The following RYR3 variants were observed in gnomAD, a reference collection of about 807,000 sequenced individuals.
The protein encoded by RYR3 is brain ryanodine receptor-calcium release channel.
Under a neutral mutation model 584.3 loss-of-function variants are expected in RYR3, and 207 were observed. The observed-to-expected ratio is 0.35, with a 90% CI of 0.32 to 0.40. RYR3 has a LOEUF of 0.40. Among genes scored for constraint, RYR3 ranks in the 10% least tolerant of loss-of-function variants. The pLI is 1.00. For synonymous variants in RYR3, 2,416 were observed against 2,248.5 expected (o/e 1.07, Z -2.11); for missense variants, 5,616 against 6,089.2 (o/e 0.92, Z 2.59).
chr15:33,320,600 G>C (rs1968836556), intron 1 of RYR3, among the ~76,000 whole-genome samples: 1 of 152,162 alleles, frequency 6.6e-6, no homozygotes, highest in Non-Finnish European at 1.5e-5. Flanking sequence ...ACTTTTCCAT[G>C]TTTCTATGGT....
rs1450450145 is a variant in RYR3 at position 33,464,489 on chromosome 15, T to TATATATATATATACACAC, written c.52-8929_52-8928insTATATATATATACACACA. 2.2e-3 allele frequency among the ~76,000 whole-genome samples: 149 copies of TATATATATATATACACAC among 67,424 alleles called. 4 individuals carry two copies. Among genetic ancestry groups the TATATATATATATACACAC allele is most frequent in the African/African-American group, 0.011 (135 of 11,984 alleles). The allele number at this position is 67,424 out of a possible 152,430, so 44.2% of individuals were successfully genotyped here. A position where few individuals can be genotyped will look rare whatever the true frequency, so the allele number is the denominator to read the frequency against. ...ATATATATATATATATATATATATA[T>TATATATATATATACACAC]ACACATATATATATACATACACATA... is the stretch of plus-strand genomic sequence containing the variant. On this transcript the variant is annotated intron_variant, in intron 1 of 103. Coordinates refer to ENST00000634891, the MANE Select transcript of RYR3 (RefSeq NM_001036.6).
At chr15:33,696,568 A>T (rs1596206382) in intron 39 of RYR3, 77 bp downstream of exon 39, 1 of 1,400,656 alleles carries the variant, frequency 7.1e-7, no homozygotes, top group Non-Finnish European at 9.9e-7. Flanking sequence ...ATATAGAGAT[A>T]TAGTGGAATC....
At chr15:33,727,118 A>C (rs1402499148) in intron 46 of RYR3, among the ~76,000 whole-genome samples, 1 of 152,182 alleles carries the variant, frequency 6.6e-6, no homozygotes, top group Non-Finnish European at 1.5e-5. Flanking sequence ...TTGTGTAGGC[A>C]GTTGGGGCAC....
intron 102 of RYR3, among the ~76,000 whole-genome samples, chr15:33,863,486 G>C (rs185938991): frequency 6.6e-6 from 1 of 152,096 alleles, no homozygotes. Flanking sequence ...TTTTCCGGAA[G>C]GGCAAGAGCC....
At chr15:33,340,970 C>T (rs1971743312) in intron 1 of RYR3, among the ~76,000 whole-genome samples, 2 of 152,134 alleles carry the variant, frequency 1.3e-5, no homozygotes, top group African/African-American at 4.8e-5. Flanking sequence ...TTGGAATCAC[C>T]TGTACCTGTA....
At chr15:33,640,863 C>T (rs1461828257) in intron 27 of RYR3, among the ~76,000 whole-genome samples, 2 of 152,168 alleles carry the variant, frequency 1.3e-5, no homozygotes, top group Non-Finnish European at 2.9e-5. Context: ...AGGTGGTATT[C>T]TTTGCCCTCT....
intron 31 of RYR3, among the ~76,000 whole-genome samples, chr15:33,650,793 T>C (rs1218217238): frequency 6.6e-6 from 1 of 152,224 alleles, no homozygotes; most frequent in Non-Finnish European, 1.5e-5. Flanking sequence ...AATTCACCTA[T>C]AAGTGGACCC....
Position 33,748,237 on chromosome 15 carries a change from C to T in RYR3, c.8113C>T (p.Arg2705Ter), listed in dbSNP as rs1461590699. 3 of 1,613,770 alleles carry T rather than the reference C, an allele frequency of 1.9e-6. No individual in the cohort carries two copies. The highest frequency in any genetic ancestry group is 8.5e-7 in the Non-Finnish European group (1 of 1,179,858). Residue 2705 changes from arginine to a stop codon, truncating the protein, a stop_gained, in exon 54 of 104, where the codon CGA (arginine) becomes TGA (stop). Transcript: ENST00000634891. LOFTEE classifies it high-confidence loss of function. ...TCAACAGCGGGAAAATGAGAAGCTT[C>T]GAAGTGTGTCCCAGGCCAACCAGGT... ...LVQQRENEKL[R>*]SVSQANQGNS...
At chr15:33,450,086 C>CAAAAAAAA in intron 1 of RYR3, among the ~76,000 whole-genome samples, 1 of 22,850 alleles carries the variant, frequency 4.4e-5, no homozygotes, top group Middle Eastern at 0.036. Context: ...GCATTAATAC[C>CAAAAAAAA]TAAAAAAAAA....
At chr15:33,539,247 G>A (rs950366693) in intron 5 of RYR3, 103 bp from the exon 6 acceptor site, 13 of 695,536 alleles carry the variant, frequency 1.9e-5, no homozygotes, top group South Asian at 5.0e-5. Flanking sequence ...TGCACTTGTT[G>A]TGTGCACGTG....
In RYR3 at chr15:33,508,479, C is replaced by T. The variant is rs142022793; in HGVS notation, c.279+4741C>T. Among the ~76,000 whole-genome samples, 1,134 of 152,142 alleles carry T rather than the reference C, an allele frequency of 7.5e-3. 12 individuals are homozygous for T. The highest frequency in any genetic ancestry group is 0.026 in the African/African-American group (1,080 of 41,492). On this transcript the variant is annotated intron_variant, in intron 3 of 103. Coordinates refer to ENST00000634891, the MANE Select transcript of RYR3 (RefSeq NM_001036.6). Reference sequence around the variant, plus strand: ...CCTGGCTAACACAGTGAAACCCCATCTCTACTAAAAATACAAAAAAATTAG... The same window carrying T: ...CCTGGCTAACACAGTGAAACCCCATTTCTACTAAAAATACAAAAAAATTAG...
intron 3 of RYR3, among the ~76,000 whole-genome samples, chr15:33,520,198 G>A (rs1470332029): frequency 1.3e-5 from 2 of 152,128 alleles, no homozygotes; most frequent in Non-Finnish European, 2.9e-5. Flanking sequence ...AGTCAGCAGG[G>A]TTTTATGATA....
chr15:33,828,181 C>T (rs2077476543), intron 85 of RYR3, among the ~76,000 whole-genome samples: 1 of 152,154 alleles, frequency 6.6e-6, no homozygotes, highest in South Asian at 2.1e-4. Flanking sequence ...GAACTATGCC[C>T]TTGTAAGACA....
chr15:33,697,257 C>T (rs896404274), intron 39 of RYR3, among the ~76,000 whole-genome samples: 1 of 152,136 alleles, frequency 6.6e-6, no homozygotes, highest in African/African-American at 2.4e-5. Flanking sequence ...AACTCATTTC[C>T]AAAGAGAAAT....
chr15:33,737,579 C>T (rs1230015523), intron 49 of RYR3, among the ~76,000 whole-genome samples: 2 of 152,184 alleles, frequency 1.3e-5, no homozygotes, highest in Non-Finnish European at 2.9e-5. Flanking sequence ...TGTCTTCATG[C>T]CAGGCAGAAA....
intron 14 of RYR3, 125 bp downstream of exon 14, chr15:33,581,768 CT>C: frequency 1.2e-6 from 1 of 804,882 alleles, no homozygotes; most frequent in Non-Finnish European, 2.0e-6. Context: ...CCTTAGAAGT[CT>C]TTTGTTAACC....
At chr15:33,635,577 C>T (rs1195703738) in intron 25 of RYR3, 37 bp from the exon 26 acceptor site, 2 of 1,543,764 alleles carry the variant, frequency 1.3e-6, no homozygotes, top group Non-Finnish European at 8.9e-7. Flanking sequence ...CTCTCTTTCC[C>T]TTCCACACCC....
chr15:33,694,369 C>A (rs541395873), intron 38 of RYR3, among the ~76,000 whole-genome samples: 6 of 151,172 alleles, frequency 4.0e-5, no homozygotes, highest in East Asian at 3.9e-4. Flanking sequence ...CTCAGCCTCC[C>A]GAGTAGCTGG....
chr15:33,464,493 C>G (rs28454889), intron 1 of RYR3, among the ~76,000 whole-genome samples: 74 of 107,204 alleles, frequency 6.9e-4, no homozygotes, highest in Non-Finnish European at 1.2e-3. Flanking sequence ...TATATATACA[C>G]ATATATATAT....
Sources: allele counts gnomAD v4.1 joint callset (sites outside exome capture counted in the v4.1 genomes callset), GRCh38; gene constraint gnomAD v4.1.1; transcripts MANE v1.5; gene names NCBI Gene and HGNC (gene_info 2026-07-23, HGNC 2026-07-21).